DNAH17: variants seen among roughly 807,000 people sequenced by gnomAD.
DNAH17 encodes the protein axonemal beta dynein heavy chain 17.
DNAH17 carries 376 observed loss-of-function variants against 485.6 expected under a neutral mutation model. That is an observed-to-expected ratio of 0.77 (90% CI 0.71 to 0.84). The LOEUF is 0.84. Ranked by LOEUF, DNAH17 falls within the 40% of genes least tolerant of loss-of-function variation. The pLI is 0.00. For synonymous variants in DNAH17, 3,031 were observed against 2,405.9 expected, an observed-to-expected ratio of 1.26 and a Z score of -7.60; for missense variants, 6,370 against 5,839.3, an observed-to-expected ratio of 1.09 and a Z score of -2.96.
In DNAH17 at chr17:78,537,291, G is replaced by A. The variant is rs1244347453; in HGVS notation, c.2859+8C>T. Reference sequence around the variant, plus strand: ...CCCTGTGTACGGCCAGAAGAGGCCAGGACTGACCTTGTAGTTCATCCTGTC... The same window carrying A: ...CCCTGTGTACGGCCAGAAGAGGCCAAGACTGACCTTGTAGTTCATCCTGTC... On this transcript the variant is annotated splice_region_variant and intron_variant, in intron 19 of 80. Transcript: ENST00000389840. The A allele has an allele frequency of 6.4e-7, 1 of 1,556,162 alleles. No individual in the cohort carries two copies. Among genetic ancestry groups the A allele is most frequent in the East Asian group, 2.4e-5 (1 of 41,266 alleles).
At chr17:78,466,116 G>C (rs4629031) in intron 56 of DNAH17, among the ~76,000 whole-genome samples, 5,738 of 152,230 alleles carry the variant, frequency 0.038, 329 homozygotes, top group African/African-American at 0.13. Flanking sequence ...GGATCCTGTT[G>C]ATCTGTGACC....
rs1294931700 is a variant in DNAH17, at chr17:78,560,876, A to G, written c.1895T>C (p.Leu632Pro). The change falls in exon 13 of 81, where the codon CTG (leucine) becomes CCG (proline). Residue 632 changes from leucine to proline, a missense_variant. Physicochemically the swap from Leu to Pro is moderately conservative, Grantham distance 98 (BLOSUM62 -3). Transcript: ENST00000389840. Reference protein sequence around the residue: ...TYQKYDEMMELLRCHREKIYQ... With the variant: ...TYQKYDEMMEPLRCHREKIYQ... The stretch of plus-strand genomic sequence containing the variant: ...GATCTTCTCGCGGTGGCACCTCAGC[A>G]GCTCCATCATCTCGTCATACTTCTG... 33 of 1,551,630 alleles carry G rather than the reference A, an allele frequency of 2.1e-5. No individual in the cohort carries two copies. The highest frequency in any genetic ancestry group is 2.8e-5 in the Non-Finnish European group (32 of 1,147,146).
At chr17:78,488,030 G>A (rs189140235) in intron 44 of DNAH17, among the ~76,000 whole-genome samples, 2 of 152,346 alleles carry the variant, frequency 1.3e-5, no homozygotes, top group Non-Finnish European at 2.9e-5. Context: ...AAGTCCAGTT[G>A]GTCTTCAGTA....
intron 11 of DNAH17, among the ~76,000 whole-genome samples, chr17:78,562,617 G>A (rs1294321322): frequency 1.3e-5 from 2 of 152,082 alleles, no homozygotes; most frequent in East Asian, 1.9e-4. Context: ...GCAAGACCCT[G>A]TCTCCAGAAA....
chr17:78,525,824 G>A (rs1451238869), intron 24 of DNAH17, among the ~76,000 whole-genome samples: 1 of 152,250 alleles, frequency 6.6e-6, no homozygotes, highest in African/African-American at 2.4e-5. Context: ...CATCTCCATC[G>A]TGGCTTGAGG....
chr17:78,465,015 C>A (rs907862500), intron 56 of DNAH17, among the ~76,000 whole-genome samples: 1 of 152,254 alleles, frequency 6.6e-6, no homozygotes, highest in Non-Finnish European at 1.5e-5. Context: ...GTGCTGCTGC[C>A]ATCTCGGCTC....
In DNAH17 at chr17:78,495,017, A is replaced by G. The variant is rs1329708086; in HGVS notation, c.5984T>C (p.Leu1995Pro). ...CAGGGTGATGAACTTCCTGGCCAGA[A>G]GGCGGGCTTCCAGAAAGCCCTCGGC... ...LMAEGFLEAR[L>P]LARKFITLYT... The change falls in exon 39 of 81, where the codon CTT (leucine) becomes CCT (proline). Residue 1995 changes from leucine (L) to proline (P), a missense_variant. Physicochemically the swap from Leu to Pro is moderately conservative, Grantham distance 98. Coordinates refer to ENST00000389840, the MANE Select transcript of DNAH17 (RefSeq NM_173628.4). 2.5e-6 allele frequency: 4 copies of G among 1,612,874 alleles called. No individual in the cohort carries two copies. The highest frequency in any genetic ancestry group is 3.4e-6 in the Non-Finnish European group (4 of 1,179,476).
In DNAH17 at chr17:78,501,600, A is replaced by T. The variant is rs532802930; in HGVS notation, c.5322+142T>A. 178 of 1,252,398 alleles carry T rather than the reference A, an allele frequency of 1.4e-4. No homozygotes were observed. The East Asian group carries it at 3.8e-3, about 27-fold the overall frequency. The allele number at this position is 1,252,398 out of a possible 1,614,324, so 77.6% of individuals were successfully genotyped here. ...TCACCAGGGGTGAGTCCGGGCAAGG[A>T]GGTTAGGAGGCAGCTGCAGCCAGCA... On this transcript the variant is annotated intron_variant, in intron 34 of 80. Transcript: ENST00000389840.
At chr17:78,425,297 G>T in intron 80 of DNAH17, 49 bp downstream of exon 80, 1 of 1,564,268 alleles carries the variant, frequency 6.4e-7, no homozygotes, top group Non-Finnish European at 8.8e-7. Flanking sequence ...GTCTTGGCAA[G>T]TAGCACTGGC....
At chr17:78,427,898 G>A (rs959396541) in intron 77 of DNAH17, among the ~76,000 whole-genome samples, 1 of 151,720 alleles carries the variant, frequency 6.6e-6, no homozygotes, top group East Asian at 1.9e-4. Flanking sequence ...CCTGGGAGGC[G>A]GAGGTTGCAG....
At chr17:78,491,669 G>C in intron 42 of DNAH17, 99 bp from the exon 43 acceptor site, 1 of 1,485,928 alleles carries the variant, frequency 6.7e-7, no homozygotes, top group Non-Finnish European at 9.0e-7. Context: ...GAGGGAGCCT[G>C]TCCCCTACTT....
rs1568045011 is a variant in DNAH17 at position 78,433,955 on chromosome 17, G to GGGAAGGAGGGAGGGAA, written c.12225+73_12225+74insTTCCCTCCCTCCTTCC. The stretch of plus-strand genomic sequence containing the variant: ...AGGGAGGGAAGGAGGGAGGGAAGGA[G>GGGAAGGAGGGAGGGAA]GGAGGGAAGGAGGGAGGGAAGGAGG... On this transcript the variant is annotated intron_variant, in intron 75 of 80. Coordinates refer to ENST00000389840, the MANE Select transcript of DNAH17 (RefSeq NM_173628.4). 11 of 1,289,618 alleles carry GGGAAGGAGGGAGGGAA rather than the reference G, an allele frequency of 8.5e-6. 1 individual carries two copies. The African/African-American group carries it at 2.0e-4, about 23-fold the overall frequency. 79.9% of individuals were successfully genotyped at this position (1,289,618 alleles called of 1,614,324 possible).
chr17:78,497,705 G>T (rs1036323653), intron 37 of DNAH17, among the ~76,000 whole-genome samples: 1 of 152,224 alleles, frequency 6.6e-6, no homozygotes. Flanking sequence ...GGGAGCATAA[G>T]GAGAGGAGGA....
intron 16 of DNAH17, among the ~76,000 whole-genome samples, chr17:78,548,439 C>T (rs987343183): frequency 2.0e-5 from 3 of 151,930 alleles, no homozygotes; most frequent in Non-Finnish European, 2.9e-5. Flanking sequence ...CTCCTGACCT[C>T]GTGATCCACC....
chr17:78,502,405 G>A (rs766729912), intron 33 of DNAH17, 186 bp downstream of exon 33: 2 of 518,364 alleles, frequency 3.9e-6, no homozygotes, highest in South Asian at 5.8e-5. Flanking sequence ...CGTGGGGAGA[G>A]GTGCCTGGGG....
At chr17:78,557,423 G>A (rs953377954) in intron 14 of DNAH17, among the ~76,000 whole-genome samples, 3 of 152,066 alleles carry the variant, frequency 2.0e-5, no homozygotes, top group African/African-American at 7.2e-5. Flanking sequence ...TTCGAGACCA[G>A]CCTGGCCAAT....
chr17:78,560,029 C>T (rs1342875888), intron 13 of DNAH17, among the ~76,000 whole-genome samples: 2 of 152,172 alleles, frequency 1.3e-5, no homozygotes, highest in Non-Finnish European at 2.9e-5. Flanking sequence ...CCTTCCTGCT[C>T]TTCCTTCCGC....
chr17:78,485,117 CGGA>C, intron 47 of DNAH17, 84 bp from the exon 48 acceptor site: 4 of 1,465,194 alleles, frequency 2.7e-6, no homozygotes, highest in Non-Finnish European at 1.8e-6. Context: ...CCTGCTTCCC[CGGA>C]GGACAGAAGG....
intron 77 of DNAH17, among the ~76,000 whole-genome samples, chr17:78,427,561 A>G (rs1226434558): frequency 1.3e-5 from 2 of 152,206 alleles, no homozygotes; most frequent in Non-Finnish European, 2.9e-5. Flanking sequence ...GATTTCAGTC[A>G]TTAGACTAAG....
Sources: gnomAD v4.1 joint callset for allele counts (sites outside exome capture counted in the v4.1 genomes callset) on GRCh38, gnomAD v4.1.1 for gene constraint, MANE v1.5 for transcripts, NCBI Gene and HGNC (gene_info 2026-07-23, HGNC 2026-07-21) for gene names.